The following UBR3 variants were observed in gnomAD, a reference collection of about 807,000 sequenced individuals.
The protein encoded by UBR3 is E3 ubiquitin-protein ligase UBR3.
In UBR3, 85 loss-of-function variants were observed where a neutral mutation model predicts 243.2. The observed-to-expected ratio is 0.35, with a 90% CI of 0.29 to 0.42. UBR3 has a LOEUF of 0.42. UBR3 is among the 10% of genes least tolerant of loss of function. UBR3 has a pLI of 1.00. For synonymous variants in UBR3, 748 were observed against 799.8 expected (o/e 0.94, Z 1.09); for missense variants, 1,686 against 2,300.8 (o/e 0.73, Z 5.47).
chr2:169,858,148 A>G (rs1486195012), intron 1 of UBR3, among the ~76,000 whole-genome samples: 2 of 152,338 alleles, frequency 1.3e-5, no homozygotes, highest in East Asian at 3.9e-4. Flanking sequence ...GTTCTGGTAT[A>G]GCATCCCTCA....
At chr2:169,833,984 C>T (rs1037161188) in intron 1 of UBR3, among the ~76,000 whole-genome samples, 6 of 152,112 alleles carry the variant, frequency 3.9e-5, no homozygotes, top group African/African-American at 9.7e-5. Context: ...GATGGTATTT[C>T]ACCATGTTGG....
chr2:169,896,265 G>GC (rs56283141), intron 7 of UBR3, among the ~76,000 whole-genome samples: 148,671 of 152,186 alleles, frequency 0.98, 72,701 homozygotes, highest in East Asian at 1. Context: ...TCAGGCTTGG[G>GC]GACAGAGCAA....
intron 33 of UBR3, among the ~76,000 whole-genome samples, chr2:170,060,287 T>C (rs1458329846): frequency 1.3e-5 from 2 of 152,146 alleles, no homozygotes; most frequent in South Asian, 2.1e-4. Context: ...AAAGATCTTA[T>C]TGACATAAAT....
intron 1 of UBR3, among the ~76,000 whole-genome samples, chr2:169,832,578 C>CA (rs1008397244): frequency 6.7e-6 from 1 of 148,564 alleles, no homozygotes; most frequent in African/African-American, 2.5e-5. Context: ...GGAAAAAAAA[C>CA]AAAAAAACTG....
chr2:169,879,341 G>A (rs2083735129), intron 5 of UBR3, among the ~76,000 whole-genome samples: 1 of 151,852 alleles, frequency 6.6e-6, no homozygotes, highest in South Asian at 2.1e-4. Flanking sequence ...CCTTTTAAAG[G>A]GATGATTTCT....
At chr2:170,010,865 C>T (rs2090061662) in intron 29 of UBR3, among the ~76,000 whole-genome samples, 1 of 151,884 alleles carries the variant, frequency 6.6e-6, no homozygotes, top group South Asian at 2.1e-4. Flanking sequence ...TTTACTTAGT[C>T]ATTACAAAGA....
intron 35 of UBR3, among the ~76,000 whole-genome samples, chr2:170,070,558 A>C (rs1299924544): frequency 1.3e-5 from 2 of 152,182 alleles, no homozygotes; most frequent in Non-Finnish European, 2.9e-5. Context: ...GTTTGCAAAT[A>C]AAATGACCTT....
At chr2:170,008,986 G>C (rs2090004976) in intron 29 of UBR3, 46 bp downstream of exon 29, 4 of 1,203,288 alleles carry the variant, frequency 3.3e-6, no homozygotes, top group Non-Finnish European at 1.1e-6. Context: ...ACTATTAATA[G>C]TTGATTTTAT....
intron 29 of UBR3, chr2:170,014,070 C>A: frequency 2.8e-6 from 1 of 359,316 alleles, no homozygotes; most frequent in Non-Finnish European, 5.9e-6. Context: ...CCAGATGGAG[C>A]TCTGAGCTGG....
chr2:169,855,364 GTATT>G (rs1574052961), intron 1 of UBR3, among the ~76,000 whole-genome samples: 2 of 150,970 alleles, frequency 1.3e-5, no homozygotes, highest in South Asian at 2.1e-4. Context: ...ATTTTTTTTA[GTATT>G]TATTGATCAT....
chr2:170,017,191 C>A (rs1217865210), intron 30 of UBR3, among the ~76,000 whole-genome samples: 1 of 147,628 alleles, frequency 6.8e-6, no homozygotes, highest in African/African-American at 2.5e-5. Context: ...AGTGCAACTT[C>A]AGTGGTATTA....
At position 169,896,720 on chromosome 2, in the gene UBR3, A is replaced by G. The variant is rs2084606169; in HGVS notation, c.1450A>G (p.Lys484Glu). The change falls in exon 8 of 39, where the codon AAA becomes GAA. Residue 484 changes from lysine to glutamate, a missense_variant. Transcript: ENST00000272793. ...ATACATGATGGAAAGTTGCCTTATT[A>G]AAAGTGAGCTACAAGGTAACTCAGA... is the stretch of plus-strand genomic sequence containing the variant. Reference protein sequence around the residue: ...LLYMMESCLIKSELQDEENSL... With the variant: ...LLYMMESCLIESELQDEENSL... The G allele has an allele frequency of 1.3e-6, 2 of 1,548,870 alleles. No individual in the cohort carries two copies. Among genetic ancestry groups the G allele is most frequent in the African/African-American group, 2.7e-5 (2 of 73,022 alleles).
chr2:169,895,377 T>C, intron 7 of UBR3, 66 bp downstream of exon 7: 1 of 1,442,238 alleles, frequency 6.9e-7, no homozygotes, highest in Non-Finnish European at 9.2e-7. Context: ...TTATTAAATC[T>C]TTTTTTGATA....
chr2:169,990,861 A>G (rs1273956533), intron 25 of UBR3, among the ~76,000 whole-genome samples: 1 of 39,130 alleles, frequency 2.6e-5, no homozygotes. Flanking sequence ...AAAAGGAAGA[A>G]TTAATTTTTT....
chr2:170,001,939 A>AAAAAAAAAAAAAAAAAAAAAAAG (rs1553531165), intron 27 of UBR3, among the ~76,000 whole-genome samples: 5 of 116,220 alleles, frequency 4.3e-5, no homozygotes, highest in African/African-American at 7.6e-5. Context: ...AAAAAAAAAA[A>AAAAAAAAAAAAAAAAAAAAAAAG]AAAGAAAGAA....
Position 170,073,485 on chromosome 2 carries a change from C to G in UBR3, c.5077C>G (p.Gln1693Glu). 6.2e-7 allele frequency: 1 copy of G among 1,613,726 alleles called. No homozygotes were observed. The highest frequency in any genetic ancestry group is 8.5e-7 in the Non-Finnish European group (1 of 1,179,698). ...SCLGLLPTFY[Q>E]TEHPFISASC... ...CCTGGGACTTCTGCCAACGTTTTACCAAACAGAACATCCATTCATCAGTGC... is the reference window on the plus strand; with the variant it reads ...CCTGGGACTTCTGCCAACGTTTTACGAAACAGAACATCCATTCATCAGTGC... The change falls in exon 36 of 39, where the codon CAA (glutamine) becomes GAA (glutamate). Residue 1693 changes from glutamine (Q) to glutamate (E), a missense_variant. Gln to Glu is a conservative substitution (Grantham distance 29). This residue lies in a region of UBR3 where 371 missense variants were observed against 422.5 expected (regional missense o/e 0.88). Transcript: ENST00000272793.
At chr2:169,870,646 TTTA>T (rs1276715963) in intron 1 of UBR3, among the ~76,000 whole-genome samples, 2 of 152,002 alleles carry the variant, frequency 1.3e-5, no homozygotes, top group Admixed American at 6.6e-5. Context: ...GAAACTGTCT[TTTA>T]TTATTATTAT....
At chr2:169,987,264 G>A (rs916018303) in intron 25 of UBR3, among the ~76,000 whole-genome samples, 5 of 151,686 alleles carry the variant, frequency 3.3e-5, no homozygotes, top group African/African-American at 9.7e-5. Context: ...GTGGTGGAGG[G>A]CGCCTGTAAT....
intron 11 of UBR3, among the ~76,000 whole-genome samples, chr2:169,914,582 G>A (rs1435189451): frequency 1.3e-5 from 2 of 152,170 alleles, no homozygotes; most frequent in African/African-American, 4.8e-5. Flanking sequence ...CTTGAACAAA[G>A]GTGATTAGTG....
Sources: gnomAD v4.1 joint callset for allele counts (sites outside exome capture counted in the v4.1 genomes callset) on GRCh38, gnomAD v4.1.1 for gene constraint, gnomAD v4.1.1 regional missense constraint, MANE v1.5 for transcripts, NCBI Gene and HGNC (gene_info 2026-07-23, HGNC 2026-07-21) for gene names.